GPC6: variants seen among roughly 807,000 people sequenced by gnomAD.
The protein encoded by GPC6 is glypican 6.
In GPC6, 14 loss-of-function variants were observed where a neutral mutation model predicts 55.2. That is an observed-to-expected ratio of 0.25 (90% CI 0.17 to 0.40). GPC6 has a LOEUF of 0.40. GPC6 is among the 10% of genes least tolerant of loss of function. The probability of loss-of-function intolerance (pLI) is 1.00; values close to 1 mark genes in which losing one functional copy is unlikely to be tolerated. For missense variants in GPC6, 641 were observed against 708.5 expected, an observed-to-expected ratio of 0.90 and a Z score of 1.08; for synonymous variants, 278 against 259.6, an observed-to-expected ratio of 1.07 and a Z score of -0.68.
chr13:94,266,209 C>A (rs180896444), intron 4 of GPC6, among the ~76,000 whole-genome samples: 2 of 149,998 alleles, frequency 1.3e-5, no homozygotes, highest in African/African-American at 2.5e-5. Flanking sequence ...CGCTCTGTTG[C>A]CCAGGCTGGA....
At chr13:94,103,219 T>C (rs1885931180) in intron 4 of GPC6, among the ~76,000 whole-genome samples, 1 of 152,184 alleles carries the variant, frequency 6.6e-6, no homozygotes, top group Non-Finnish European at 1.5e-5. Context: ...CATGAACTCA[T>C]CCTTTTTTAT....
intron 1 of GPC6, among the ~76,000 whole-genome samples, chr13:93,243,330 T>C (rs1876498088): frequency 6.6e-6 from 1 of 152,262 alleles, no homozygotes. Context: ...CCATTTAGGC[T>C]ATGGTTATTC....
intron 3 of GPC6, 48 bp downstream of exon 3, chr13:93,830,593 T>A (rs773142402): frequency 2.1e-6 from 3 of 1,408,578 alleles, no homozygotes; most frequent in Non-Finnish European, 2.9e-6. Flanking sequence ...TTGTTTATTC[T>A]GTTTTTAAAA....
chr13:94,195,729 C>CA (rs1283068924), intron 4 of GPC6, among the ~76,000 whole-genome samples: 8 of 152,198 alleles, frequency 5.3e-5, no homozygotes, highest in Admixed American at 5.2e-4. Context: ...GCTCCTGCCA[C>CA]ACAGCCTCTA....
chr13:93,556,821 C>G (rs1354230037), intron 2 of GPC6, among the ~76,000 whole-genome samples: 2 of 152,036 alleles, frequency 1.3e-5, no homozygotes, highest in Non-Finnish European at 2.9e-5. Context: ...CTTTCTGCGC[C>G]TGGCTTATTT....
intron 2 of GPC6, among the ~76,000 whole-genome samples, chr13:93,642,406 C>A (rs1879990816): frequency 6.6e-6 from 1 of 151,974 alleles, no homozygotes; most frequent in African/African-American, 2.4e-5. Context: ...ATGAGCACTT[C>A]AGTTAATCCC....
intron 3 of GPC6, among the ~76,000 whole-genome samples, chr13:93,928,923 TA>T (rs11349969): frequency 0.98 from 147,461 of 150,780 alleles, 72,133 homozygotes; most frequent in Non-Finnish European, 0.98. Flanking sequence ...TGTGTACATA[TA>T]AAAAAAAATA....
chr13:94,298,317 G>A lies in GPC6; in HGVS notation c.1009-7663G>A, dbSNP rs115202052. On this transcript the variant is annotated intron_variant, in intron 5 of 8. Transcript: ENST00000377047. ...ATTCTGATTTGCTTCCTAATGATAC[G>A]TGAATGCTCCCAGGCACACACATTT... Among the ~76,000 whole-genome samples, 942 of 152,144 alleles carry A rather than the reference G, an allele frequency of 6.2e-3. 14 individuals are homozygous for A. The highest frequency in any genetic ancestry group is 0.02 in the African/African-American group (829 of 41,506).
chr13:93,559,075 A>G (rs1467397106), intron 2 of GPC6, among the ~76,000 whole-genome samples: 3 of 152,238 alleles, frequency 2.0e-5, no homozygotes, highest in South Asian at 2.1e-4. Context: ...TTCTTGTCCT[A>G]TGCTATTCTA....
At chr13:93,726,947 A>G (rs1173408028) in intron 2 of GPC6, among the ~76,000 whole-genome samples, 1 of 152,096 alleles carries the variant, frequency 6.6e-6, no homozygotes, top group Non-Finnish European at 1.5e-5. Flanking sequence ...TGATGAGAGA[A>G]AAGTCTTGTT....
At chr13:94,402,856 G>T (rs1186121456) in intron 8 of GPC6, among the ~76,000 whole-genome samples, 159 bp from the exon 9 acceptor site, 1 of 152,170 alleles carries the variant, frequency 6.6e-6, no homozygotes, top group East Asian at 1.9e-4. Flanking sequence ...ACGAGAACAG[G>T]ATGGGGGAAA....
At chr13:94,238,407 A>G (rs1263934335) in intron 4 of GPC6, among the ~76,000 whole-genome samples, 1 of 152,116 alleles carries the variant, frequency 6.6e-6, no homozygotes, top group Non-Finnish European at 1.5e-5. Flanking sequence ...TGGAGAAAAA[A>G]GTAGACTGCA....
At chr13:94,327,502 T>C (rs1877185109) in intron 6 of GPC6, among the ~76,000 whole-genome samples, 1 of 152,126 alleles carries the variant, frequency 6.6e-6, no homozygotes, top group African/African-American at 2.4e-5. Context: ...TGTTTTCATA[T>C]CACGGTTCGT....
chr13:93,522,712 C>T (rs1881467919), intron 1 of GPC6, among the ~76,000 whole-genome samples: 1 of 151,886 alleles, frequency 6.6e-6, no homozygotes, highest in Non-Finnish European at 1.5e-5. Flanking sequence ...AACTTTGGCT[C>T]TCACTGATTC....
At chr13:94,299,744 T>TGTAA (rs545985836) in intron 5 of GPC6, among the ~76,000 whole-genome samples, 234 of 152,330 alleles carry the variant, frequency 1.5e-3, no homozygotes, top group Non-Finnish European at 2.7e-3. Context: ...AATTACCTAG[T>TGTAA]GTAAGGCATT....
At chr13:93,234,281 C>T (rs184947794) in intron 1 of GPC6, among the ~76,000 whole-genome samples, 63 of 152,244 alleles carry the variant, frequency 4.1e-4, no homozygotes, top group African/African-American at 1.3e-3. Context: ...CTTTCCTTCA[C>T]GTGCAACCAA....
the GPC6 span, among the ~76,000 whole-genome samples, chr13:93,216,800 G>T: frequency 7.2e-5 from 11 of 152,114 alleles, no homozygotes; most frequent in African/African-American, 2.7e-4. Context: ...CCTGGAATTG[G>T]CAAGACAAAA....
chr13:93,269,708 G>A (rs1422006209), intron 1 of GPC6, among the ~76,000 whole-genome samples: 3 of 149,354 alleles, frequency 2.0e-5, no homozygotes, highest in African/African-American at 5.0e-5. Context: ...GGCGGATCAC[G>A]AGGTCAGGAG....
intron 2 of GPC6, among the ~76,000 whole-genome samples, chr13:93,776,685 G>C (rs1019415410): frequency 6.6e-6 from 1 of 152,164 alleles, no homozygotes; most frequent in African/African-American, 2.4e-5. Context: ...GGCTTCACTA[G>C]AAGAAGTTTG....
Sources: allele counts gnomAD v4.1 joint callset (sites outside exome capture counted in the v4.1 genomes callset), GRCh38; gene constraint gnomAD v4.1.1; transcripts MANE v1.5; gene names NCBI Gene and HGNC (gene_info 2026-07-23, HGNC 2026-07-21).